Variants in KIF26A observed in about 807,000 individuals in gnomAD.
KIF26A encodes the protein kinesin family member 26A.
KIF26A carries 74 observed loss-of-function variants against 126.0 expected under a neutral mutation model. The observed-to-expected ratio is 0.59, with a 90% CI of 0.49 to 0.71. The LOEUF (loss-of-function observed/expected upper bound fraction) is 0.71, where lower values mean the gene tolerates loss of function less well. Among genes scored for constraint, KIF26A ranks in the 30% least tolerant of loss-of-function variants. The pLI, the probability that KIF26A is intolerant of heterozygous loss-of-function variation, is 0.00. For missense variants in KIF26A, 2,984 were observed against 2,763.3 expected, an observed-to-expected ratio of 1.08 and a Z score of -1.79; for synonymous variants, 1,445 against 1,232.7, an observed-to-expected ratio of 1.17 and a Z score of -3.61.
At chr14:104,169,576 T>C (rs1202585931) in intron 5 of KIF26A, among the ~76,000 whole-genome samples, 1 of 152,192 alleles carries the variant, frequency 6.6e-6, no homozygotes, top group Admixed American at 6.5e-5. Flanking sequence ...TTATTAGCAC[T>C]AATGTCACAT....
chr14:104,140,064 A>G (rs78032593), intron 2 of KIF26A, among the ~76,000 whole-genome samples: 1,804 of 152,094 alleles, frequency 0.012, 32 homozygotes, highest in African/African-American at 0.041. Context: ...CCGGGCCTTC[A>G]GCCTTTATGA....
At position 104,152,185 on chromosome 14, in the gene KIF26A, C is replaced by T. The variant is rs575696579; in HGVS notation, c.459C>T (p.Asp153=). ...CCCCTGCCAGCCATGAGGACCTTGA[C>T]GCCCCCCATGGAGGCCCCAGCCTCG... ...LQAPASHEDL[D]APHGGPSLAP... is the part of the protein sequence containing the mutation. Residue 153 remains aspartate (D), a synonymous_variant, in exon 3 of 15, where the codon GAC becomes GAT. Transcript: ENST00000423312. This position sits in a 1 kb window ranked among gnomAD's most constrained non-coding sequence, Gnocchi z 5.9. 1.4e-5 allele frequency: 22 copies of T among 1,607,498 alleles called. No individual in the cohort carries two copies. Among genetic ancestry groups the T allele is most frequent in the East Asian group, 2.2e-5 (1 of 44,626 alleles).
rs748528740 is a variant in KIF26A, at chr14:104,176,756, G to C, written c.3968G>C (p.Gly1323Ala). 1 of 1,586,512 alleles carries C rather than the reference G, an allele frequency of 6.3e-7. No homozygotes were observed. Among genetic ancestry groups the C allele is most frequent in the South Asian group, 1.1e-5 (1 of 87,504 alleles). Residue 1323 changes from glycine (G) to alanine (A), a missense_variant, in exon 12 of 15, where the codon GGA becomes GCA. Transcript: ENST00000423312. ...GTGACAACGCCAGCTGTGTCCTGGG[G>C]AGATGCTCCCACGGAGGTGGTGGCC... ...LGVTTPAVSWGDAPTEVVACS... is the reference protein window; with the variant it reads ...LGVTTPAVSWADAPTEVVACS...
intron 4 of KIF26A, among the ~76,000 whole-genome samples, chr14:104,163,445 G>A (rs535747469): frequency 2.6e-5 from 4 of 152,270 alleles, no homozygotes; most frequent in South Asian, 2.1e-4. Flanking sequence ...ATCTTTGGGC[G>A]ACGAGGGCAC....
intron 4 of KIF26A, among the ~76,000 whole-genome samples, chr14:104,160,726 C>T (rs978973254): frequency 2.6e-5 from 4 of 152,196 alleles, no homozygotes; most frequent in African/African-American, 4.8e-5. Flanking sequence ...TGGTTTGTGC[C>T]GGCGCTGGGA....
chr14:104,157,952 G>A lies in KIF26A; in HGVS notation c.923+10G>A. On this transcript the variant is annotated intron_variant, in intron 4 of 14. Transcript: ENST00000423312. ...CCTCCTTCTTCATAAGGTATGTCCT[G>A]GGGCTTCCTGGGCAGCCTTGTGGGC... 6.7e-7 allele frequency: 1 copy of A among 1,485,106 alleles called. No homozygotes were observed. Among genetic ancestry groups the A allele is most frequent in the Non-Finnish European group, 8.9e-7 (1 of 1,117,662 alleles). The allele number at this position is 1,485,106 out of a possible 1,614,324, so 92.0% of individuals were successfully genotyped here. A position where few individuals can be genotyped will look rare whatever the true frequency, so the allele number is the denominator to read the frequency against.
rs1690123155 is a variant in KIF26A, at chr14:104,176,160, C to G, written c.3372C>G (p.Ser1124Arg). 2.5e-6 allele frequency: 4 copies of G among 1,589,718 alleles called. No homozygotes were observed. The South Asian group carries it at 4.6e-5, about 18-fold the overall frequency. Residue 1124 changes from serine to arginine, a missense_variant, in exon 12 of 15, where the codon AGC (serine) becomes AGG (arginine). By Grantham distance (110) the Ser-to-Arg change is moderately radical. Coordinates refer to ENST00000423312, the MANE Select transcript of KIF26A (RefSeq NM_015656.2). ...AGGTCAGCGTCTGCACTGCCGACAG[C>G]CGTGACCCCACGCCGCAGCCCCGCT... ...LSEVSVCTAD[S>R]RDPTPQPRFS...
At chr14:104,138,984 GGTCT>G (rs2037609865) in intron 1 of KIF26A, 55 bp from the exon 2 acceptor site, 5 of 1,320,606 alleles carry the variant, frequency 3.8e-6, no homozygotes, top group Non-Finnish European at 3.8e-6. Context: ...GGCGCGCAGG[GGTCT>G]GGATCCGACG....
chr14:104,154,156 G>C (rs1208798465), intron 3 of KIF26A, among the ~76,000 whole-genome samples: 1 of 152,250 alleles, frequency 6.6e-6, no homozygotes, highest in Non-Finnish European at 1.5e-5. Flanking sequence ...TACTTGTGGA[G>C]AGATGCGCTG....
chr14:104,149,343 C>T (rs141200198), intron 2 of KIF26A, among the ~76,000 whole-genome samples: 11 of 152,272 alleles, frequency 7.2e-5, no homozygotes, highest in East Asian at 3.9e-4. Flanking sequence ...CGTGGGCTTT[C>T]GCTGTGGGGC....
chr14:104,166,562 G>T (rs551090463), intron 4 of KIF26A, among the ~76,000 whole-genome samples: 2 of 152,250 alleles, frequency 1.3e-5, no homozygotes, highest in Admixed American at 6.5e-5. Context: ...TTGGTGGGGG[G>T]ATGGCATTCA....
Position 104,178,722 on chromosome 14 carries a change from G to A in KIF26A, c.5283G>A (p.Arg1761=). 1.3e-6 allele frequency: 2 copies of A among 1,553,710 alleles called. No homozygotes were observed. The highest frequency in any genetic ancestry group is 1.7e-6 in the Non-Finnish European group (2 of 1,147,780). ...YEIDDVERLQ[R]PRPTPREAPT... is the part of the protein sequence containing the mutation. Reference sequence around the variant, plus strand: ...TCGATGACGTGGAGCGCCTTCAGCGGCCCCGCCCCACCCCGAGGGAGGCCC... The same window carrying A: ...TCGATGACGTGGAGCGCCTTCAGCGACCCCGCCCCACCCCGAGGGAGGCCC... Residue 1761 remains arginine, a synonymous_variant, in exon 13 of 15, where the codon CGG becomes CGA. Coordinates refer to ENST00000423312, the MANE Select transcript of KIF26A (RefSeq NM_015656.2).
At position 104,157,885 on chromosome 14, in the gene KIF26A, C is replaced by G. The variant is rs777367727; in HGVS notation, c.866C>G (p.Thr289Ser). 1 of 1,578,774 alleles carries G rather than the reference C, an allele frequency of 6.3e-7. No homozygotes were observed. Among genetic ancestry groups the G allele is most frequent in the South Asian group, 1.1e-5 (1 of 88,538 alleles). The change falls in exon 4 of 15, where the codon ACC becomes AGC. Residue 289 changes from threonine (T) to serine (S), a missense_variant. Thr to Ser is a moderately conservative substitution (Grantham distance 58). Coordinates refer to ENST00000423312, the MANE Select transcript of KIF26A (RefSeq NM_015656.2). ...GVCTSALVTP[T>S]PGSVGGSTGP... is the part of the protein sequence containing the mutation. ...TGCACGTCAGCCCTGGTCACCCCCA[C>G]CCCGGGCTCGGTGGGGGGCTCCACA...
rs1356450224 is a variant in KIF26A, at chr14:104,152,234, T to G, written c.508T>G (p.Ser170Ala). 45 of 1,598,512 alleles carry G rather than the reference T, an allele frequency of 2.8e-5. No homozygotes were observed. Among genetic ancestry groups the G allele is most frequent in the South Asian group, 3.4e-5 (3 of 89,068 alleles). ...SLAPPSTTTS[S>A]RDTPGPAGPA... Reference sequence around the variant, plus strand: ...CGCACCCCCCAGCACCACGACCAGCTCGAGGGACACGCCAGGACCAGCGGG... The same window carrying G: ...CGCACCCCCCAGCACCACGACCAGCGCGAGGGACACGCCAGGACCAGCGGG... Residue 170 changes from serine to alanine, a missense_variant, in exon 3 of 15, where the codon TCG becomes GCG. Coordinates refer to ENST00000423312, the MANE Select transcript of KIF26A (RefSeq NM_015656.2). The surrounding 1 kb of genome is among the most constrained non-coding windows in gnomAD (Gnocchi z 5.9).
At chr14:104,139,897 C>T (rs976360446) in intron 2 of KIF26A, among the ~76,000 whole-genome samples, 1 of 152,198 alleles carries the variant, frequency 6.6e-6, no homozygotes, top group Non-Finnish European at 1.5e-5. Context: ...GGCTCCAGCC[C>T]CAGGGGCAGG....
chr14:104,156,896 G>A (rs928311141), intron 3 of KIF26A, among the ~76,000 whole-genome samples: 3 of 152,196 alleles, frequency 2.0e-5, no homozygotes, highest in African/African-American at 7.2e-5. Context: ...ACTTGGGGCC[G>A]AATGACGCTT....
At position 104,177,786 on chromosome 14, in the gene KIF26A, C is replaced by T. The variant is rs539961598; in HGVS notation, c.4998C>T (p.Asp1666=). The T allele has an allele frequency of 1.3e-6, 2 of 1,553,762 alleles. No individual in the cohort carries two copies. Among genetic ancestry groups the T allele is most frequent in the South Asian group, 2.3e-5 (2 of 85,440 alleles). The change falls in exon 12 of 15, where the codon GAC becomes GAT. Residue 1666 remains aspartate (D), a synonymous_variant. Coordinates refer to ENST00000423312, the MANE Select transcript of KIF26A (RefSeq NM_015656.2). The part of the protein sequence containing the change: ...GSSGYESLRR[D]SEATGSASSA... ...GTGGCTATGAGAGCCTGCGGCGCGA[C>T]AGCGAGGCCACCGGCAGCGCCTCCT... is the stretch of plus-strand genomic sequence containing the variant.
At position 104,172,568 on chromosome 14, in the gene KIF26A, C is replaced by A. The variant is rs759617100; in HGVS notation, c.1327-7C>A. On this transcript the variant is annotated splice_polypyrimidine_tract_variant and splice_region_variant and intron_variant, in intron 6 of 14. Transcript: ENST00000423312. ...CACAGCCCTGCCTGATTCTCTTGCC[C>A]CCCTAGGCCGAAGTCTGCTCGGGGA... is the stretch of plus-strand genomic sequence containing the variant. The A allele has an allele frequency of 5.0e-6, 8 of 1,610,126 alleles. No individual in the cohort carries two copies. In the Admixed American group the frequency reaches 1.0e-4, roughly 20 times the overall value.
chr14:104,165,719 GTC>G (rs2037889267), intron 4 of KIF26A, among the ~76,000 whole-genome samples: 2 of 151,884 alleles, frequency 1.3e-5, no homozygotes, highest in Admixed American at 1.3e-4. Context: ...GCATATGTGT[GTC>G]TGTGTGTTTC....
Sources: allele counts gnomAD v4.1 joint callset (sites outside exome capture counted in the v4.1 genomes callset), GRCh38; gene constraint gnomAD v4.1.1; non-coding constraint Gnocchi (gnomAD v3.1); transcripts MANE v1.5; gene names NCBI Gene and HGNC (gene_info 2026-07-23, HGNC 2026-07-21).